Variants in RASEF observed in about 807,000 individuals in gnomAD.
RASEF encodes RAS and EF-hand domain containing, also known as ras and EF-hand domain-containing protein.
Under a neutral mutation model 90.1 loss-of-function variants are expected in RASEF, and 68 were observed. That is an observed-to-expected ratio of 0.75 (90% CI 0.62 to 0.92). The LOEUF is 0.92. Among genes scored for constraint, RASEF ranks in the 40% least tolerant of loss-of-function variants. RASEF has a pLI of 0.00. For synonymous variants in RASEF, 331 were observed against 345.2 expected, an observed-to-expected ratio of 0.96 and a Z score of 0.46; for missense variants, 949 against 937.2, an observed-to-expected ratio of 1.01 and a Z score of -0.16.
At chr9:82,995,000 A>C (rs2118410839) in intron 14 of RASEF, among the ~76,000 whole-genome samples, 1 of 152,354 alleles carries the variant, frequency 6.6e-6, no homozygotes, top group South Asian at 2.1e-4. Flanking sequence ...GCCATGGAGA[A>C]ACTTCACTGT....
chr9:83,036,859 C>T lies in RASEF; in HGVS notation c.432-10938G>A, dbSNP rs189918521. Among the ~76,000 whole-genome samples, 132 of 152,040 alleles carry T rather than the reference C, an allele frequency of 8.7e-4. 1 individual carries two copies. The highest frequency in any genetic ancestry group is 6.8e-3 in the Middle Eastern group (2 of 294). ...TAAGGAAAAGTGAGTACAGGTTACA[C>T]GGGAACACTATACCATCTTCGTTTT... On this transcript the variant is annotated intron_variant, in intron 1 of 16. Transcript: ENST00000376447.
At chr9:83,089,700 TTCTTTG>T in the RASEF span, among the ~76,000 whole-genome samples, 3 of 152,196 alleles carry the variant, frequency 2.0e-5, no homozygotes, top group Non-Finnish European at 2.9e-5. Context: ...GGTTTCAAGA[TTCTTTG>T]TCTTTGAGTA....
chr9:83,013,865 T>C (rs1829294518), intron 4 of RASEF, among the ~76,000 whole-genome samples: 2 of 152,208 alleles, frequency 1.3e-5, no homozygotes, highest in Non-Finnish European at 2.9e-5. Context: ...AAAGACAGTT[T>C]TTTAATAATT....
At chr9:83,090,941 A>G in the RASEF span, among the ~76,000 whole-genome samples, 2 of 152,106 alleles carry the variant, frequency 1.3e-5, no homozygotes, top group African/African-American at 4.8e-5. Flanking sequence ...TCTCTCACGT[A>G]TGACCACTGA....
chr9:83,138,393 C>A, the RASEF span, among the ~76,000 whole-genome samples: 3 of 152,156 alleles, frequency 2.0e-5, no homozygotes, highest in East Asian at 5.8e-4. Flanking sequence ...AGTAATCATG[C>A]TGTCAAGCAG....
chr9:82,996,601 C>T (rs900606978), intron 14 of RASEF, among the ~76,000 whole-genome samples: 3 of 152,164 alleles, frequency 2.0e-5, no homozygotes, highest in Non-Finnish European at 4.4e-5. Context: ...GACGCACGCT[C>T]ATATCCAGGT....
rs1380123329 is a variant in RASEF, at chr9:83,063,042, C to G, written c.-175G>C. The G allele has an allele frequency of 6.1e-6, 4 of 657,466 alleles. No individual in the cohort carries two copies. The highest frequency in any genetic ancestry group is 2.7e-5 in the South Asian group (1 of 37,538). 40.7% of individuals were successfully genotyped at this position (657,466 alleles called of 1,614,324 possible). On this transcript the variant is annotated 5_prime_UTR_variant, in exon 1 of 17. Transcript: ENST00000376447. Reference sequence around the variant, plus strand: ...GCGAGGAACGTCGGGGGTGGCCGAGCGGCTCCCTTCGACGACGGTTCGGGC... The same window carrying G: ...GCGAGGAACGTCGGGGGTGGCCGAGGGGCTCCCTTCGACGACGGTTCGGGC...
At chr9:83,175,272 G>A in the RASEF span, among the ~76,000 whole-genome samples, 1 of 152,096 alleles carries the variant, frequency 6.6e-6, no homozygotes, top group South Asian at 2.1e-4. Context: ...GCAAGCTGAG[G>A]AGGTTCTCTT....
chr9:83,062,421 C>T lies in RASEF; in HGVS notation c.431+16G>A, dbSNP rs558592566. 2.4e-5 allele frequency: 38 copies of T among 1,611,972 alleles called. No homozygotes were observed. The South Asian group carries it at 4.1e-4, about 17-fold the overall frequency. ...AAGCGCCAGAATAACCTCCCGCCCC[C>T]AGCTCACACTCGCACCTGGGAATGA... is the stretch of plus-strand genomic sequence containing the variant. On this transcript the variant is annotated intron_variant, in intron 1 of 16. Coordinates refer to ENST00000376447, the MANE Select transcript of RASEF (RefSeq NM_152573.4).
At chr9:83,122,522 G>A in the RASEF span, among the ~76,000 whole-genome samples, 1 of 152,066 alleles carries the variant, frequency 6.6e-6, no homozygotes, top group Non-Finnish European at 1.5e-5. Context: ...CCTGTGCACT[G>A]GCTCCCCCAC....
At chr9:83,164,338 T>C in the RASEF span, among the ~76,000 whole-genome samples, 3 of 36,210 alleles carry the variant, frequency 8.3e-5, no homozygotes, top group African/African-American at 6.5e-4. Context: ...TATATATTTG[T>C]ATATGTGTGT....
the RASEF span, among the ~76,000 whole-genome samples, chr9:83,140,938 T>C: frequency 6.0e-4 from 91 of 151,386 alleles, no homozygotes; most frequent in African/African-American, 2.2e-3. Flanking sequence ...AGGTCAGGAG[T>C]TCGAGACCAG....
At chr9:83,027,877 G>A (rs551843947) in intron 1 of RASEF, among the ~76,000 whole-genome samples, 3 of 152,242 alleles carry the variant, frequency 2.0e-5, no homozygotes, top group South Asian at 2.1e-4. Context: ...ATGCTTCTCC[G>A]GATTGATGGG....
At chr9:83,212,788 A>G in the RASEF span, among the ~76,000 whole-genome samples, 5 of 152,316 alleles carry the variant, frequency 3.3e-5, no homozygotes, top group East Asian at 9.6e-4. Context: ...AACCCCAAAG[A>G]TTGTAGCAGG....
At chr9:82,983,142 CACACACACACACA>C (rs1413076666) in intron 16 of RASEF, among the ~76,000 whole-genome samples, 4 of 144,896 alleles carry the variant, frequency 2.8e-5, no homozygotes, top group African/African-American at 1.1e-4. Context: ...CACACACACA[CACACACACACACA>C]CCCTTCTCCC....
chr9:83,209,511 A>G, the RASEF span, among the ~76,000 whole-genome samples: 10 of 152,382 alleles, frequency 6.6e-5, no homozygotes, highest in South Asian at 2.1e-3. Flanking sequence ...TGGCCAGAAG[A>G]AACTGGCCCA....
chr9:83,024,989 C>A (rs778470932), intron 2 of RASEF, among the ~76,000 whole-genome samples: 6 of 152,164 alleles, frequency 3.9e-5, no homozygotes, highest in Non-Finnish European at 8.8e-5. Flanking sequence ...GCACAACACA[C>A]AAGAACTGTG....
At chr9:83,178,565 T>C in the RASEF span, among the ~76,000 whole-genome samples, 2 of 152,242 alleles carry the variant, frequency 1.3e-5, no homozygotes. Flanking sequence ...CCAGTGCATA[T>C]CTCCAAAGCT....
At chr9:83,165,477 A>G in the RASEF span, among the ~76,000 whole-genome samples, 1 of 152,184 alleles carries the variant, frequency 6.6e-6, no homozygotes, top group Non-Finnish European at 1.5e-5. Context: ...AAGACAACTT[A>G]TCAAATTTTG....
Sources: gnomAD v4.1 joint callset for allele counts (sites outside exome capture counted in the v4.1 genomes callset) on GRCh38, gnomAD v4.1.1 for gene constraint, MANE v1.5 for transcripts, NCBI Gene and HGNC (gene_info 2026-07-23, HGNC 2026-07-21) for gene names.